POP1: variants seen among roughly 807,000 people sequenced by gnomAD.
POP1 encodes the protein POP1 ribonuclease P/MRP subunit, also known as ribonucleases P/MRP protein subunit POP1.
Under a neutral mutation model 102.2 loss-of-function variants are expected in POP1, and 75 were observed. The ratio of observed to expected loss-of-function variants is 0.73; its 90% CI spans 0.61 to 0.89. The LOEUF (loss-of-function observed/expected upper bound fraction) is 0.89. POP1 is among the 40% of genes least tolerant of loss of function. The pLI is 0.00. For synonymous variants in POP1, 436 were observed against 464.1 expected (o/e 0.94, Z 0.78); for missense variants, 1,116 against 1,267.4 (o/e 0.88, Z 1.81).
At chr8:98,118,383 C>A (rs1470864715) in intron 1 of POP1, among the ~76,000 whole-genome samples, 1 of 152,010 alleles carries the variant, frequency 6.6e-6, no homozygotes, top group Non-Finnish European at 1.5e-5. Context: ...TACCAATTCA[C>A]ATTTTTTTCT....
In POP1 at chr8:98,127,705, G is replaced by A; in HGVS notation, c.253G>A (p.Gly85Arg). The A allele has an allele frequency of 1.2e-6, 2 of 1,614,090 alleles. No individual in the cohort carries two copies. The highest frequency in any genetic ancestry group is 1.7e-6 in the Non-Finnish European group (2 of 1,180,000). Residue 85 changes from glycine (G) to arginine (R), a missense_variant, in exon 3 of 16, where the codon GGA becomes AGA. By Grantham distance (125) the Gly-to-Arg change is moderately radical (BLOSUM62 -2). Transcript: ENST00000401707. ...CTCCAAAGGGATGTTTAGAAAAAAG[G>A]GAGGATGGAAAGCAGGTCCCGAGGG... ...SSSKGMFRKK[G>R]GWKAGPEGTS...
intron 9 of POP1, among the ~76,000 whole-genome samples, chr8:98,138,525 A>G (rs1006167873): frequency 6.6e-6 from 1 of 152,178 alleles, no homozygotes; most frequent in African/African-American, 2.4e-5. Flanking sequence ...CCCCAAGTTA[A>G]ACTAGATCCC....
chr8:98,128,590 A>C, intron 4 of POP1, 50 bp downstream of exon 4: 1 of 1,586,574 alleles, frequency 6.3e-7, no homozygotes, highest in Non-Finnish European at 8.6e-7. Flanking sequence ...TCCTAGAAGA[A>C]ATTGAGAAGT....
chr8:98,155,094 A>T (rs896882601), intron 14 of POP1, among the ~76,000 whole-genome samples: 20 of 152,162 alleles, frequency 1.3e-4, no homozygotes, highest in Non-Finnish European at 2.8e-4. Flanking sequence ...CAGAAACTTC[A>T]TGTAGCCTTG....
At chr8:98,154,357 T>G (rs1809593779) in intron 14 of POP1, among the ~76,000 whole-genome samples, 1 of 151,998 alleles carries the variant, frequency 6.6e-6, no homozygotes, top group Non-Finnish European at 1.5e-5. Context: ...CCATCTAGGC[T>G]GATGAAGAGC....
intron 14 of POP1, 31 bp downstream of exon 14, chr8:98,150,670 G>GTAT (rs774476212): frequency 6.2e-7 from 1 of 1,606,690 alleles, no homozygotes; most frequent in South Asian, 1.1e-5. Context: ...ATTTGATAAT[G>GTAT]TATTAAGGAA....
chr8:98,157,152 C>T (rs1416615832), intron 15 of POP1, among the ~76,000 whole-genome samples: 3 of 152,162 alleles, frequency 2.0e-5, no homozygotes, highest in African/African-American at 2.4e-5. Flanking sequence ...GCTAGGATTA[C>T]AGGTGTGAGC....
At chr8:98,157,172 C>A (rs1054033851) in intron 15 of POP1, among the ~76,000 whole-genome samples, 2 of 152,150 alleles carry the variant, frequency 1.3e-5, no homozygotes, top group Non-Finnish European at 2.9e-5. Flanking sequence ...CCACTGCGCC[C>A]GGCCTGTGCT....
chr8:98,125,421 A>G (rs1376946608), intron 2 of POP1, among the ~76,000 whole-genome samples: 1 of 152,142 alleles, frequency 6.6e-6, no homozygotes, highest in Middle Eastern at 3.2e-3. Flanking sequence ...CCTAACCTCA[A>G]GTGATCCACC....
chr8:98,131,690 C>G (rs1816386134), intron 5 of POP1, among the ~76,000 whole-genome samples: 1 of 152,168 alleles, frequency 6.6e-6, no homozygotes, highest in Non-Finnish European at 1.5e-5. Flanking sequence ...TACTGCCTTA[C>G]CATTTTCCAT....
chr8:98,158,028 TCTAGGGCTGTGGTCAGGCC>T lies in POP1; in HGVS notation c.2835_2853del (p.Gly946CysfsTer4). 2.5e-6 allele frequency: 4 copies of T among 1,611,446 alleles called. No homozygotes were observed. The highest frequency in any genetic ancestry group is 3.4e-6 in the Non-Finnish European group (4 of 1,180,010). On this transcript the variant is annotated frameshift_variant, in exon 16 of 16. Coordinates refer to ENST00000401707, the MANE Select transcript of POP1 (RefSeq NM_001145860.2). LOFTEE classifies it high-confidence loss of function. ...CCGTGGCTGGGCAGGAAGCTCTGAC[TCTAGGGCTGTGGTCAGGCC>T]CTCTGCCGCGTGTGACGTTGCACTG...
intron 14 of POP1, among the ~76,000 whole-genome samples, chr8:98,154,668 G>T (rs9297283): frequency 0.21 from 31,424 of 152,058 alleles, 3,546 homozygotes; most frequent in African/African-American, 0.3. Flanking sequence ...AGTCATAGTG[G>T]TGCAGGGGAA....
Position 98,149,295 on chromosome 8 carries a change from G to T in POP1, c.1902+289G>T, listed in dbSNP as rs546607195. ...AAAATGTTGAGGTATTTGATTTGAA[G>T]AAATTTGTTATAAGTTTAAAAGCAA... is the stretch of plus-strand genomic sequence containing the variant. On this transcript the variant is annotated intron_variant, in intron 13 of 15. Coordinates refer to ENST00000401707, the MANE Select transcript of POP1 (RefSeq NM_001145860.2). 2.3e-3 allele frequency among the ~76,000 whole-genome samples: 352 copies of T among 152,228 alleles called. 1 individual carries two copies. Among genetic ancestry groups the T allele is most frequent in the Non-Finnish European group, 3.7e-3 (249 of 68,022 alleles).
intron 6 of POP1, 124 bp downstream of exon 6, chr8:98,134,160 T>A: frequency 1.3e-6 from 1 of 773,570 alleles, no homozygotes; most frequent in South Asian, 1.5e-5. Flanking sequence ...ACACTAATCA[T>A]TCCCAATGAA....
At chr8:98,124,401 G>A (rs1816133088) in intron 2 of POP1, among the ~76,000 whole-genome samples, 1 of 151,958 alleles carries the variant, frequency 6.6e-6, no homozygotes, top group South Asian at 2.1e-4. Context: ...GTCTCTACTA[G>A]AAATACAAAA....
chr8:98,134,458 T>G lies in POP1; in HGVS notation c.824-14T>G. The stretch of plus-strand genomic sequence containing the variant: ...ACACCCGGAATTATGGAATTTTGCT[T>G]TTGTTGATGTCAGGGCTGACGTTTG... On this transcript the variant is annotated splice_polypyrimidine_tract_variant and intron_variant, in intron 6 of 15. Coordinates refer to ENST00000401707, the MANE Select transcript of POP1 (RefSeq NM_001145860.2). 6.2e-7 allele frequency: 1 copy of G among 1,613,732 alleles called. No individual in the cohort carries two copies. Among genetic ancestry groups the G allele is most frequent in the Non-Finnish European group, 8.5e-7 (1 of 1,179,918 alleles).
At position 98,150,503 on chromosome 8, in the gene POP1, G is replaced by A; in HGVS notation, c.1921G>A (p.Val641Ile). 1 of 1,614,100 alleles carries A rather than the reference G, an allele frequency of 6.2e-7. No individual in the cohort carries two copies. The highest frequency in any genetic ancestry group is 1.1e-5 in the South Asian group (1 of 91,088). The change falls in exon 14 of 16, where the codon GTC (valine) becomes ATC (isoleucine). Residue 641 changes from valine to isoleucine, a missense_variant. Physicochemically the swap from Val to Ile is conservative, Grantham distance 29 (BLOSUM62 3). Transcript: ENST00000401707. ...CTTTTAGATTTATCGAGGTGTGAGA[G>A]TCGGAGGGTTGAAAGAGTCTGCAGT... The part of the protein sequence containing the change: ...WIPFIYRGVR[V>I]GGLKESAVHS...
chr8:98,139,736 A>G (rs914835770), intron 9 of POP1, among the ~76,000 whole-genome samples: 1 of 152,040 alleles, frequency 6.6e-6, no homozygotes, highest in Non-Finnish European at 1.5e-5. Context: ...GTCAAGAAAA[A>G]AAAGAGAGAG....
Position 98,127,692 on chromosome 8 carries a change from G to C in POP1, c.240G>C (p.Met80Ile), listed in dbSNP as rs1464147973. The C allele has an allele frequency of 6.2e-7, 1 of 1,614,120 alleles. No individual in the cohort carries two copies. Among genetic ancestry groups the C allele is most frequent in the Non-Finnish European group, 8.5e-7 (1 of 1,179,986 alleles). ...ATGAGCAGTCTTCCTCCAAAGGGATGTTTAGAAAAAAGGGAGGATGGAAAG... is the reference window on the plus strand; with the variant it reads ...ATGAGCAGTCTTCCTCCAAAGGGATCTTTAGAAAAAAGGGAGGATGGAAAG... Reference protein sequence around the residue: ...EVNEQSSSKGMFRKKGGWKAG... With the variant: ...EVNEQSSSKGIFRKKGGWKAG... Residue 80 changes from methionine (M) to isoleucine (I), a missense_variant, in exon 3 of 16, where the codon ATG becomes ATC. Coordinates refer to ENST00000401707, the MANE Select transcript of POP1 (RefSeq NM_001145860.2).
Sources: allele counts gnomAD v4.1 joint callset (sites outside exome capture counted in the v4.1 genomes callset), GRCh38; gene constraint gnomAD v4.1.1; transcripts MANE v1.5; gene names NCBI Gene and HGNC (gene_info 2026-07-23, HGNC 2026-07-21).